Variants in OSBPL3 observed in about 807,000 individuals in gnomAD.
The protein encoded by OSBPL3 is oxysterol binding protein like 3.
OSBPL3 carries 65 observed loss-of-function variants against 120.1 expected under a neutral mutation model. That is an observed-to-expected ratio of 0.54 (90% CI 0.44 to 0.67). OSBPL3 has a LOEUF of 0.67. OSBPL3 is among the 30% of genes least tolerant of loss of function. The pLI, the probability that OSBPL3 is intolerant of heterozygous loss-of-function variation, is 0.00. For synonymous variants in OSBPL3, 416 were observed against 402.6 expected, an observed-to-expected ratio of 1.03 and a Z score of -0.40; for missense variants, 1,004 against 1,082.1, an observed-to-expected ratio of 0.93 and a Z score of 1.01.
rs576142833 is a variant in OSBPL3, at chr7:24,827,639, A to G, written c.1884+3129T>C. 8.8e-4 allele frequency among the ~76,000 whole-genome samples: 134 copies of G among 152,354 alleles called. No homozygotes were observed. Among genetic ancestry groups the G allele is most frequent in the Non-Finnish European group, 1.6e-3 (109 of 68,022 alleles). The stretch of plus-strand genomic sequence containing the variant: ...CAGTAAATGCATTTAGTAGCATTCT[A>G]GTTTATATACATCAGTCTCTTGTAA... On this transcript the variant is annotated intron_variant, in intron 16 of 22. Transcript: ENST00000313367. This position sits in a 1 kb window ranked among gnomAD's most constrained non-coding sequence, Gnocchi z 5.1.
rs1340262793 is a variant in OSBPL3 at position 24,865,922 on chromosome 7, T to C, written c.549+148A>G. On this transcript the variant is annotated intron_variant, in intron 6 of 22. Coordinates refer to ENST00000313367, the MANE Select transcript of OSBPL3 (RefSeq NM_015550.4). ...TTGTCTGGTCTTGGTTCTGACTCAG[T>C]GGGCAAACAGACTAATTAAATACCA... 4.7e-6 allele frequency: 3 copies of C among 638,282 alleles called. No individual in the cohort carries two copies. In the South Asian group the frequency reaches 5.8e-5, roughly 12 times the overall value. 39.5% of individuals were successfully genotyped at this position (638,282 alleles called of 1,614,324 possible).
chr7:24,921,108 A>G (rs183852192), intron 1 of OSBPL3, among the ~76,000 whole-genome samples: 26 of 152,324 alleles, frequency 1.7e-4, no homozygotes, highest in Admixed American at 1.5e-3. Context: ...CCTAATCTGG[A>G]TGTGACATGA....
At chr7:24,929,819 T>A (rs377671933) in intron 1 of OSBPL3, among the ~76,000 whole-genome samples, 1 of 152,256 alleles carries the variant, frequency 6.6e-6, no homozygotes, top group Non-Finnish European at 1.5e-5. Context: ...TCCTTGGTCA[T>A]GTATGTTTTG....
rs527824426 is a variant in OSBPL3, at chr7:24,851,247, T to C, written c.1158+1257A>G. ...CTCAAACCAAAATGGCACCAGTGTA[T>C]GGCTGTCTTGTACAATAAAAAGGGG... is the stretch of plus-strand genomic sequence containing the variant. On this transcript the variant is annotated intron_variant, in intron 11 of 22. Transcript: ENST00000313367. This position sits in a 1 kb window ranked among gnomAD's most constrained non-coding sequence, Gnocchi z 4.1. Among the ~76,000 whole-genome samples, 4 of 152,348 alleles carry C rather than the reference T, an allele frequency of 2.6e-5. No individual in the cohort carries two copies. Among genetic ancestry groups the C allele is most frequent in the Admixed American group, 2.0e-4 (3 of 15,306 alleles).
intron 1 of OSBPL3, among the ~76,000 whole-genome samples, chr7:24,926,852 C>T (rs926015800): frequency 6.6e-6 from 1 of 152,210 alleles, no homozygotes; most frequent in African/African-American, 2.4e-5. Context: ...TAGCAAAACA[C>T]CTGTCATATG....
rs545047691 is a variant in OSBPL3, at chr7:24,896,928, C to T, written c.-149-4307G>A. Among the ~76,000 whole-genome samples, 70 of 152,020 alleles carry T rather than the reference C, an allele frequency of 4.6e-4. No individual in the cohort carries two copies. Among genetic ancestry groups the T allele is most frequent in the Non-Finnish European group, 9.1e-4 (62 of 67,960 alleles). ...CTCTACTAAAAATACCAAAATTAGC[C>T]GAGCATGGTGGTGCATGCCTGTAGT... On this transcript the variant is annotated intron_variant, in intron 1 of 22. Transcript: ENST00000313367. The surrounding 1 kb of genome is among the most constrained non-coding windows in gnomAD (Gnocchi z 4.4).
Position 24,882,483 on chromosome 7 carries a change from G to A in OSBPL3, c.96+9894C>T, listed in dbSNP as rs150240634. Among the ~76,000 whole-genome samples the A allele has an allele frequency of 3.1e-4, 47 of 152,038 alleles. No homozygotes were observed. The East Asian group carries it at 6.0e-3, about 19-fold the overall frequency. Reference sequence around the variant, plus strand: ...GTATTCCATGTGTGTATATATTTTCGTCATCCATGCAATCATTGGTGGAAA... The same window carrying A: ...GTATTCCATGTGTGTATATATTTTCATCATCCATGCAATCATTGGTGGAAA... On this transcript the variant is annotated intron_variant, in intron 2 of 22. Transcript: ENST00000313367.
At position 24,852,106 on chromosome 7, in the gene OSBPL3, T is replaced by C. The variant is rs968794747; in HGVS notation, c.1158+398A>G. 1.3e-5 allele frequency among the ~76,000 whole-genome samples: 2 copies of C among 152,250 alleles called. No homozygotes were observed. The highest frequency in any genetic ancestry group is 4.8e-5 in the African/African-American group (2 of 41,468). On this transcript the variant is annotated intron_variant, in intron 11 of 22. Transcript: ENST00000313367. The surrounding 1 kb of genome is among the most constrained non-coding windows in gnomAD (Gnocchi z 4.1). ...GAATTGGAAATTTCACTCTGCCACC[T>C]GTCATTTGGAAAGTAAGGCTAAGCT...
intron 1 of OSBPL3, among the ~76,000 whole-genome samples, chr7:24,969,908 T>C (rs1376901243): frequency 6.6e-6 from 1 of 152,170 alleles, no homozygotes; most frequent in East Asian, 1.9e-4. Flanking sequence ...GCATAGTCTT[T>C]GGAGTTACTA....
In OSBPL3 at chr7:24,896,013, TG is replaced by T. The variant is rs1806082781; in HGVS notation, c.-149-3393del. On this transcript the variant is annotated intron_variant, in intron 1 of 22. Coordinates refer to ENST00000313367, the MANE Select transcript of OSBPL3 (RefSeq NM_015550.4). This position sits in a 1 kb window ranked among gnomAD's most constrained non-coding sequence, Gnocchi z 4.4. ...CCCTGGAGCTGATCTTTTTGCAGATTGCTGTCCCTGAGTAAATCTCTCCTGC... is the reference window on the plus strand; with the variant it reads ...CCCTGGAGCTGATCTTTTTGCAGATTCTGTCCCTGAGTAAATCTCTCCTGC... Among the ~76,000 whole-genome samples, 1 of 152,180 alleles carries T rather than the reference TG, an allele frequency of 6.6e-6. No individual in the cohort carries two copies. Among genetic ancestry groups the T allele is most frequent in the Admixed American group, 6.5e-5 (1 of 15,286 alleles).
At position 24,967,733 on chromosome 7, in the gene OSBPL3, C is replaced by A. The variant is rs950352819; in HGVS notation, c.-150+12153G>T. 6.6e-6 allele frequency among the ~76,000 whole-genome samples: 1 copy of A among 152,184 alleles called. No individual in the cohort carries two copies. The highest frequency in any genetic ancestry group is 2.4e-5 in the African/African-American group (1 of 41,432). On this transcript the variant is annotated intron_variant, in intron 1 of 22. Transcript: ENST00000313367. This position sits in a 1 kb window ranked among gnomAD's most constrained non-coding sequence, Gnocchi z 5.6. ...GTACTACAGGCTTCCCCCTTTCTCT[C>A]CTGGGACCTGCCCCAAAGGTTCTAT...
rs555236147 is a variant in OSBPL3 at position 24,871,859 on chromosome 7, A to T, written c.214-64T>A. On this transcript the variant is annotated intron_variant, in intron 3 of 22. Coordinates refer to ENST00000313367, the MANE Select transcript of OSBPL3 (RefSeq NM_015550.4). The surrounding 1 kb of genome is among the most constrained non-coding windows in gnomAD (Gnocchi z 4.8). ...TTAGGTGCCCTTTTCTTGGTCTCAA[A>T]TTCCAACTAGAAATTAAATATGAGT... 2.0e-6 allele frequency: 3 copies of T among 1,489,942 alleles called. No individual in the cohort carries two copies. Among genetic ancestry groups the T allele is most frequent in the Admixed American group, 1.7e-5 (1 of 59,580 alleles). The allele number at this position is 1,489,942 out of a possible 1,614,324, so 92.3% of individuals were successfully genotyped here. A position where few individuals can be genotyped will look rare whatever the true frequency, so the allele number is the denominator to read the frequency against.
chr7:24,935,688 T>C (rs551715349), intron 1 of OSBPL3, among the ~76,000 whole-genome samples: 1 of 152,304 alleles, frequency 6.6e-6, no homozygotes, highest in East Asian at 1.9e-4. Flanking sequence ...ACAATATTTA[T>C]AGAATGATTC....
At chr7:24,865,199 G>T in intron 7 of OSBPL3, 143 bp downstream of exon 7, 1 of 764,888 alleles carries the variant, frequency 1.3e-6, no homozygotes, top group Non-Finnish European at 2.1e-6. Context: ...TTTTGTTGAT[G>T]ATGGGTGCAA....
chr7:24,822,434 T>C lies in OSBPL3; in HGVS notation c.1885-2196A>G, dbSNP rs117930731. Among the ~76,000 whole-genome samples, 1 of 152,172 alleles carries C rather than the reference T, an allele frequency of 6.6e-6. No individual in the cohort carries two copies. Among genetic ancestry groups the C allele is most frequent in the East Asian group, 1.9e-4 (1 of 5,166 alleles). Reference sequence around the variant, plus strand: ...GGGCAACATAGTGAGACACTATCTATAATAATAATAACCATTAATCAGCTC... The same window carrying C: ...GGGCAACATAGTGAGACACTATCTACAATAATAATAACCATTAATCAGCTC... On this transcript the variant is annotated intron_variant, in intron 16 of 22. Coordinates refer to ENST00000313367, the MANE Select transcript of OSBPL3 (RefSeq NM_015550.4). This position sits in a 1 kb window ranked among gnomAD's most constrained non-coding sequence, Gnocchi z 5.8.
chr7:24,843,920 C>T (rs1798085967), intron 12 of OSBPL3, among the ~76,000 whole-genome samples: 1 of 152,210 alleles, frequency 6.6e-6, no homozygotes, highest in African/African-American at 2.4e-5. Flanking sequence ...GCTCCTGCCA[C>T]AAAAGATGCT....
At chr7:24,890,259 CTAAT>C (rs1326339799) in intron 2 of OSBPL3, among the ~76,000 whole-genome samples, 2 of 152,178 alleles carry the variant, frequency 1.3e-5, no homozygotes, top group Non-Finnish European at 2.9e-5. Flanking sequence ...TCATATTCCT[CTAAT>C]TAAATTTCTT....
chr7:24,824,730 CA>C lies in OSBPL3; in HGVS notation c.1885-4493del, dbSNP rs1453055060. Among the ~76,000 whole-genome samples the C allele has an allele frequency of 1.3e-5, 2 of 152,216 alleles. No homozygotes were observed. ...GGTAAGACAAACGACACATAAGAAGCACATAATTTGTCAGTAGAAATTGTGT... is the reference window on the plus strand; with the variant it reads ...GGTAAGACAAACGACACATAAGAAGCCATAATTTGTCAGTAGAAATTGTGT... On this transcript the variant is annotated intron_variant, in intron 16 of 22. Transcript: ENST00000313367. This position sits in a 1 kb window ranked among gnomAD's most constrained non-coding sequence, Gnocchi z 4.9.
rs1227466363 is a variant in OSBPL3 at position 24,900,795 on chromosome 7, C to G, written c.-149-8174G>C. The stretch of plus-strand genomic sequence containing the variant: ...CCAGCCTGGGCAACAAGGCGAAACC[C>G]CCATCTTTACAAAAAATATTAGGTT... On this transcript the variant is annotated intron_variant, in intron 1 of 22. Coordinates refer to ENST00000313367, the MANE Select transcript of OSBPL3 (RefSeq NM_015550.4). The surrounding 1 kb of genome is among the most constrained non-coding windows in gnomAD (Gnocchi z 4.5). 1.3e-5 allele frequency among the ~76,000 whole-genome samples: 2 copies of G among 152,038 alleles called. No homozygotes were observed. The highest frequency in any genetic ancestry group is 2.9e-5 in the Non-Finnish European group (2 of 68,018).
Sources: allele counts gnomAD v4.1 joint callset (sites outside exome capture counted in the v4.1 genomes callset), GRCh38; gene constraint gnomAD v4.1.1; non-coding constraint Gnocchi (gnomAD v3.1); transcripts MANE v1.5; gene names NCBI Gene and HGNC (gene_info 2026-07-23, HGNC 2026-07-21).